SLC9A9: variants seen among roughly 807,000 people sequenced by gnomAD.
The protein encoded by SLC9A9 is solute carrier family 9 member A9, also known as sodium/hydrogen exchanger 9.
In SLC9A9, 62 loss-of-function variants were observed where a neutral mutation model predicts 77.8. That is an observed-to-expected ratio of 0.80 (90% CI 0.65 to 0.98). The LOEUF is 0.98. Among genes scored for constraint, SLC9A9 ranks in the 50% least tolerant of loss-of-function variants. The pLI, the probability that SLC9A9 is intolerant of heterozygous loss-of-function variation, is 0.00. For missense variants in SLC9A9, 775 were observed against 774.9 expected (o/e 1.00, Z 0.00); for synonymous variants, 320 against 283.5 (o/e 1.13, Z -1.29).
chr3:143,715,989 C>T (rs570252666), intron 4 of SLC9A9, among the ~76,000 whole-genome samples: 6 of 152,224 alleles, frequency 3.9e-5, no homozygotes, highest in Non-Finnish European at 8.8e-5. Flanking sequence ...CACCAAGCCA[C>T]CATCGTCCAT....
intron 14 of SLC9A9, among the ~76,000 whole-genome samples, chr3:143,338,133 G>A (rs956668665): frequency 1.3e-5 from 2 of 152,288 alleles, no homozygotes; most frequent in South Asian, 2.1e-4. Flanking sequence ...AACTGGCTCC[G>A]TTATCACAGT....
intron 11 of SLC9A9, among the ~76,000 whole-genome samples, chr3:143,487,794 C>G (rs757716109): frequency 6.6e-6 from 1 of 151,508 alleles, no homozygotes; most frequent in Non-Finnish European, 1.5e-5. Context: ...CAAGAACAAT[C>G]TCAAATCAAG....
intron 5 of SLC9A9, among the ~76,000 whole-genome samples, chr3:143,658,802 G>A (rs1174883335): frequency 6.6e-6 from 1 of 152,168 alleles, no homozygotes; most frequent in Non-Finnish European, 1.5e-5. Context: ...TTTGGATTAA[G>A]AAAAGTAGGA....
intron 12 of SLC9A9, among the ~76,000 whole-genome samples, chr3:143,465,232 C>T (rs534362293): frequency 6.6e-6 from 1 of 152,324 alleles, no homozygotes; most frequent in East Asian, 1.9e-4. Context: ...CACCCCTGGA[C>T]ACTATGGTTC....
chr3:143,844,030 T>G (rs1202603205), intron 1 of SLC9A9, among the ~76,000 whole-genome samples: 1 of 152,152 alleles, frequency 6.6e-6, no homozygotes, highest in African/African-American at 2.4e-5. Context: ...CCACTAATTT[T>G]TATAAGCTTC....
At chr3:143,717,562 A>G (rs1375208479) in intron 4 of SLC9A9, among the ~76,000 whole-genome samples, 1 of 152,206 alleles carries the variant, frequency 6.6e-6, no homozygotes, top group African/African-American at 2.4e-5. Flanking sequence ...GAAACAATCC[A>G]TTGGAGCTTA....
chr3:143,605,101 T>G (rs1170482717), intron 6 of SLC9A9, among the ~76,000 whole-genome samples: 1 of 152,110 alleles, frequency 6.6e-6, no homozygotes, highest in Non-Finnish European at 1.5e-5. Context: ...GGTCTCTATA[T>G]TTTCTTTACA....
At chr3:143,361,579 A>T (rs771225989) in intron 14 of SLC9A9, among the ~76,000 whole-genome samples, 1 of 152,254 alleles carries the variant, frequency 6.6e-6, no homozygotes, top group Non-Finnish European at 1.5e-5. Flanking sequence ...CATAGCTAAG[A>T]TACAAAAACT....
At chr3:143,333,769 T>C (rs983321498) in intron 14 of SLC9A9, among the ~76,000 whole-genome samples, 18 of 152,254 alleles carry the variant, frequency 1.2e-4, no homozygotes, top group African/African-American at 4.3e-4. Flanking sequence ...CTTTATTTAC[T>C]GTATTTATTA....
intron 2 of SLC9A9, among the ~76,000 whole-genome samples, chr3:143,814,351 A>C (rs549960232): frequency 2.6e-5 from 4 of 152,332 alleles, no homozygotes; most frequent in African/African-American, 9.6e-5. Context: ...TGATGAGCAT[A>C]GATGGGGTAT....
intron 4 of SLC9A9, among the ~76,000 whole-genome samples, chr3:143,711,537 C>G (rs1486328172): frequency 6.6e-6 from 1 of 151,074 alleles, no homozygotes. Flanking sequence ...GTAGCTGGGA[C>G]TACAGGTGAG....
rs894612750 is a variant in SLC9A9 at position 143,684,973 on chromosome 3, T to A, written c.649+8219A>T. Among the ~76,000 whole-genome samples the A allele has an allele frequency of 9.2e-5, 14 of 152,268 alleles. No individual in the cohort carries two copies. The Middle Eastern group carries it at 0.014, about 148-fold the overall frequency. Reference sequence around the variant, plus strand: ...CTGTAATTAATACTGTATTTGTATTTAATACTCAATTTTAAATTATTACAG... The same window carrying A: ...CTGTAATTAATACTGTATTTGTATTAAATACTCAATTTTAAATTATTACAG... On this transcript the variant is annotated intron_variant, in intron 5 of 15. Transcript: ENST00000316549.
chr3:143,377,403 T>G (rs146702910), intron 13 of SLC9A9, among the ~76,000 whole-genome samples: 1 of 152,334 alleles, frequency 6.6e-6, no homozygotes, highest in East Asian at 1.9e-4. Context: ...GGAAAAATCC[T>G]AATCCTTTTA....
At chr3:143,462,748 C>T (rs2035216335) in intron 12 of SLC9A9, among the ~76,000 whole-genome samples, 1 of 152,136 alleles carries the variant, frequency 6.6e-6, no homozygotes, top group South Asian at 2.1e-4. Context: ...TTTTAACAGG[C>T]CTGTCTTGGT....
intron 4 of SLC9A9, among the ~76,000 whole-genome samples, chr3:143,748,765 G>A (rs1935262218): frequency 6.8e-6 from 1 of 146,496 alleles, no homozygotes. Context: ...CTGCAGTGGC[G>A]CAATCTCGGC....
chr3:143,296,059 A>G (rs2030255219), intron 14 of SLC9A9, among the ~76,000 whole-genome samples: 1 of 152,182 alleles, frequency 6.6e-6, no homozygotes, highest in South Asian at 2.1e-4. Flanking sequence ...TGAATTAATT[A>G]TTTTGGTAAG....
At chr3:143,726,759 C>G (rs1934665771) in intron 4 of SLC9A9, among the ~76,000 whole-genome samples, 1 of 151,916 alleles carries the variant, frequency 6.6e-6, no homozygotes, top group East Asian at 1.9e-4. Context: ...TGTCTCTTGT[C>G]TCTTTTCTAA....
chr3:143,332,559 C>T (rs1020279006), intron 14 of SLC9A9, among the ~76,000 whole-genome samples: 4 of 152,166 alleles, frequency 2.6e-5, no homozygotes, highest in African/African-American at 2.4e-5. Flanking sequence ...CCTGATGGCC[C>T]ACTAATACAT....
chr3:143,663,581 T>A (rs1176245230), intron 5 of SLC9A9, among the ~76,000 whole-genome samples: 75 of 152,134 alleles, frequency 4.9e-4, no homozygotes, highest in Non-Finnish European at 1.5e-5. Flanking sequence ...AAAGATTAGA[T>A]GAATGGCTAA....
Sources: allele counts gnomAD v4.1 joint callset (sites outside exome capture counted in the v4.1 genomes callset), GRCh38; gene constraint gnomAD v4.1.1; transcripts MANE v1.5; gene names NCBI Gene and HGNC (gene_info 2026-07-23, HGNC 2026-07-21).